ROBO2: variants seen among roughly 807,000 people sequenced by gnomAD.
The protein encoded by ROBO2 is roundabout homolog 2.
In ROBO2, 53 loss-of-function variants were observed where a neutral mutation model predicts 160.8. The ratio of observed to expected loss-of-function variants is 0.33; its 90% CI spans 0.26 to 0.41. ROBO2 has a LOEUF of 0.41. Ranked by LOEUF, ROBO2 falls within the 10% of genes least tolerant of loss-of-function variation. The pLI is 1.00. For missense variants in ROBO2, 1,577 were observed against 1,722.4 expected (o/e 0.92, Z 1.49); for synonymous variants, 664 against 611.7 (o/e 1.09, Z -1.26).
intron 2 of ROBO2, among the ~76,000 whole-genome samples, chr3:76,777,669 A>G (rs1486821344): frequency 6.6e-6 from 1 of 150,894 alleles, no homozygotes; most frequent in African/African-American, 2.4e-5. Context: ...TGATCTAAAA[A>G]TTGCACGTGC....
chr3:76,031,135 A>G (rs1351187958), intron 2 of ROBO2, among the ~76,000 whole-genome samples: 1 of 152,136 alleles, frequency 6.6e-6, no homozygotes, highest in Non-Finnish European at 1.5e-5. Flanking sequence ...AGCAGTTGTG[A>G]ATGGGAGTTC....
At chr3:77,229,665 CA>C (rs71104661) in intron 2 of ROBO2, among the ~76,000 whole-genome samples, 1,339 of 133,804 alleles carry the variant, frequency 0.01, 17 homozygotes, top group African/African-American at 0.031. Context: ...AGACTGTCTC[CA>C]AAAAAAAAAA....
intron 2 of ROBO2, among the ~76,000 whole-genome samples, chr3:77,452,093 C>T (rs1331344075): frequency 1.3e-5 from 2 of 152,008 alleles, no homozygotes. Flanking sequence ...CATTCTTCTT[C>T]CTAGCTTCCA....
rs546819079 is a variant in ROBO2, at chr3:76,473,903, GTA to G, written c.109+536302_109+536303del. On this transcript the variant is annotated intron_variant, in intron 2 of 26. Transcript: ENST00000487694. ...CTAAAATGTCTAGCCTGTTTTTGGA[GTA>G]GATGTCTTCCTAAGAAGATTATTAT... is the stretch of plus-strand genomic sequence containing the variant. Among the ~76,000 whole-genome samples the G allele has an allele frequency of 5.3e-4, 80 of 152,266 alleles. 1 individual carries two copies. The East Asian group carries it at 0.012, about 22-fold the overall frequency.
intron 2 of ROBO2, among the ~76,000 whole-genome samples, chr3:75,991,526 C>A (rs1436301743): frequency 6.6e-6 from 1 of 152,126 alleles, no homozygotes; most frequent in Non-Finnish European, 1.5e-5. Flanking sequence ...GACTGTGAGG[C>A]CTCCCCAGGC....
chr3:77,157,410 T>C (rs1416985184), intron 2 of ROBO2, among the ~76,000 whole-genome samples: 2 of 152,096 alleles, frequency 1.3e-5, no homozygotes, highest in Non-Finnish European at 2.9e-5. Flanking sequence ...TTTTACTTCA[T>C]TATGGCAGCT....
chr3:75,954,422 G>A (rs1248718681), intron 2 of ROBO2, among the ~76,000 whole-genome samples: 5 of 151,718 alleles, frequency 3.3e-5, no homozygotes, highest in Non-Finnish European at 5.9e-5. Flanking sequence ...CGGTGAATGG[G>A]TCTCCTCTTT....
At chr3:77,343,784 T>C (rs1020531875) in intron 2 of ROBO2, among the ~76,000 whole-genome samples, 2 of 152,004 alleles carry the variant, frequency 1.3e-5, no homozygotes, top group African/African-American at 2.4e-5. Flanking sequence ...ATAAAGGGAG[T>C]AAACAAACAC....
intron 21 of ROBO2, among the ~76,000 whole-genome samples, chr3:77,616,935 G>A (rs2094793028): frequency 6.6e-6 from 1 of 152,088 alleles, no homozygotes; most frequent in African/African-American, 2.4e-5. Flanking sequence ...CCTGTTTTGT[G>A]ATTTGCATTT....
chr3:77,056,368 C>T (rs1450261630), intron 1 of ROBO2, among the ~76,000 whole-genome samples: 1 of 152,148 alleles, frequency 6.6e-6, no homozygotes, highest in African/African-American at 2.4e-5. Flanking sequence ...ATGAGATTCA[C>T]TAGGATTAGA....
At position 76,027,683 on chromosome 3, in the gene ROBO2, A is replaced by G. The variant is rs528108216; in HGVS notation, c.109+90081A>G. 4.0e-4 allele frequency among the ~76,000 whole-genome samples: 61 copies of G among 152,124 alleles called. 1 individual carries two copies. In the Middle Eastern group the frequency reaches 0.017, roughly 42 times the overall value. On this transcript the variant is annotated intron_variant, in intron 2 of 26. Transcript: ENST00000487694. ...AATTTTTAATCAACATTTGGAGGAA[A>G]AGCTAAAGAGAGATTTAAATATTAT...
chr3:75,959,123 T>G (rs932000753), intron 2 of ROBO2, among the ~76,000 whole-genome samples: 6 of 151,756 alleles, frequency 4.0e-5, no homozygotes, highest in Non-Finnish European at 5.9e-5. Context: ...AAATGAAAAA[T>G]TTTTAACATT....
At chr3:76,041,358 T>A (rs1346548871) in intron 2 of ROBO2, among the ~76,000 whole-genome samples, 3 of 152,010 alleles carry the variant, frequency 2.0e-5, no homozygotes, top group African/African-American at 7.3e-5. Context: ...AAAACTTATG[T>A]AGAACTTTTG....
chr3:77,597,774 ATTGACCT>A (rs2094341201), intron 19 of ROBO2, among the ~76,000 whole-genome samples: 1 of 152,222 alleles, frequency 6.6e-6, no homozygotes, highest in Non-Finnish European at 1.5e-5. Flanking sequence ...TAAAAGAGAC[ATTGACCT>A]ACTTGAGAAA....
At chr3:77,475,135 C>G (rs555727659) in intron 2 of ROBO2, among the ~76,000 whole-genome samples, 1 of 151,946 alleles carries the variant, frequency 6.6e-6, no homozygotes, top group Admixed American at 6.6e-5. Flanking sequence ...AATGATATCA[C>G]TAAACACAAA....
rs118125893 is a variant in ROBO2 at position 76,623,911 on chromosome 3, C to G, written c.110-474103C>G. Among the ~76,000 whole-genome samples the G allele has an allele frequency of 1.2e-3, 180 of 152,248 alleles. 1 individual carries two copies. In the East Asian group the frequency reaches 0.014, roughly 12 times the overall value. Reference sequence around the variant, plus strand: ...TGCTCTTTCAATGATAATGAGGCCTCTGACATCTTCCTTTCTCATAAGACT... The same window carrying G: ...TGCTCTTTCAATGATAATGAGGCCTGTGACATCTTCCTTTCTCATAAGACT... On this transcript the variant is annotated intron_variant, in intron 2 of 26. Transcript: ENST00000487694.
intron 2 of ROBO2, among the ~76,000 whole-genome samples, chr3:77,214,447 T>C (rs2084642405): frequency 6.6e-6 from 1 of 152,166 alleles, no homozygotes; most frequent in African/African-American, 2.4e-5. Flanking sequence ...TCTTCCTCCA[T>C]CCTTTTATTT....
chr3:76,614,388 T>A (rs9813048), intron 2 of ROBO2, among the ~76,000 whole-genome samples: 1 of 152,060 alleles, frequency 6.6e-6, no homozygotes, highest in Non-Finnish European at 1.5e-5. Flanking sequence ...AGATAAGAAA[T>A]ATAACGAGAG....
chr3:76,857,108 C>G (rs1294755509), intron 2 of ROBO2, among the ~76,000 whole-genome samples: 1 of 152,072 alleles, frequency 6.6e-6, no homozygotes, highest in Non-Finnish European at 1.5e-5. Flanking sequence ...GCCTCAGCCT[C>G]CGGAGTAGCT....
Sources: gnomAD v4.1 joint callset for allele counts (sites outside exome capture counted in the v4.1 genomes callset) on GRCh38, gnomAD v4.1.1 for gene constraint, MANE v1.5 for transcripts, NCBI Gene and HGNC (gene_info 2026-07-23, HGNC 2026-07-21) for gene names.